CCDC91: variants seen among roughly 807,000 people sequenced by gnomAD.
The protein encoded by CCDC91 is coiled-coil domain containing 91.
A neutral mutation model predicts 63.2 loss-of-function variants in CCDC91; 48 were observed. The observed-to-expected ratio is 0.76, with a 90% CI of 0.60 to 0.97. CCDC91 has a LOEUF of 0.97. CCDC91 is among the 50% of genes least tolerant of loss of function. The pLI is 0.00. For synonymous variants in CCDC91, 167 were observed against 165.8 expected (o/e 1.01, Z -0.06); for missense variants, 500 against 494.6 (o/e 1.01, Z -0.10).
At chr12:28,516,296 T>C (rs917507539) in intron 12 of CCDC91, among the ~76,000 whole-genome samples, 12 of 151,930 alleles carry the variant, frequency 7.9e-5, no homozygotes, top group African/African-American at 2.7e-4. Flanking sequence ...ACTGAGTAAT[T>C]TGTAATGAAC....
chr12:28,435,429 T>C (rs1213785703), intron 8 of CCDC91, among the ~76,000 whole-genome samples: 1 of 151,816 alleles, frequency 6.6e-6, no homozygotes, highest in Non-Finnish European at 1.5e-5. Context: ...CCTACATCTA[T>C]AACTATCCTA....
At chr12:28,193,975 T>G (rs1434786558) in intron 1 of CCDC91, among the ~76,000 whole-genome samples, 2 of 152,238 alleles carry the variant, frequency 1.3e-5, no homozygotes, top group Non-Finnish European at 2.9e-5. Flanking sequence ...AGCATTTCCT[T>G]CGAGTCTGAG....
chr12:28,525,699 A>AT (rs1941197235), intron 12 of CCDC91, among the ~76,000 whole-genome samples: 1 of 151,884 alleles, frequency 6.6e-6, no homozygotes, highest in African/African-American at 2.4e-5. Context: ...TCAGTGTAGT[A>AT]TTTAAGTCCC....
chr12:28,207,170 A>G lies in CCDC91; in HGVS notation c.-15+16529A>G, dbSNP rs116446931. Reference sequence around the variant, plus strand: ...TAAGCAAGGAAGAAAATATTCAAAGATAAGAGTCTAATGATAGTAGAGAAA... The same window carrying G: ...TAAGCAAGGAAGAAAATATTCAAAGGTAAGAGTCTAATGATAGTAGAGAAA... On this transcript the variant is annotated intron_variant, in intron 1 of 12. Transcript: ENST00000536442. Among the ~76,000 whole-genome samples, 1,106 of 152,358 alleles carry G rather than the reference A, an allele frequency of 7.3e-3. 18 individuals carry two copies. The highest frequency in any genetic ancestry group is 0.025 in the African/African-American group (1,058 of 41,584).
At chr12:28,210,675 A>G (rs1252340424) in intron 1 of CCDC91, among the ~76,000 whole-genome samples, 2 of 152,228 alleles carry the variant, frequency 1.3e-5, no homozygotes, top group African/African-American at 4.8e-5. Context: ...TAAATTTTTT[A>G]TTACCTGACT....
intron 12 of CCDC91, among the ~76,000 whole-genome samples, chr12:28,523,896 A>G (rs1372366205): frequency 1.3e-5 from 2 of 152,170 alleles, no homozygotes; most frequent in Admixed American, 6.6e-5. Context: ...AACGTTGAAT[A>G]TTAGCCCCCA....
chr12:28,201,491 G>C lies in CCDC91; in HGVS notation c.-15+10850G>C, dbSNP rs35274465. On this transcript the variant is annotated intron_variant, in intron 1 of 12. Coordinates refer to ENST00000536442, the MANE Select transcript of CCDC91 (RefSeq NM_018318.5). The stretch of plus-strand genomic sequence containing the variant: ...GGATGGCGACTGGGAAGAGGCGCTC[G>C]TCACTTCCTAGATGGGATGGCGGCC... Among the ~76,000 whole-genome samples, 17 of 124,206 alleles carry C rather than the reference G, an allele frequency of 1.4e-4. 3 individuals are homozygous for C. The highest frequency in any genetic ancestry group is 2.3e-4 in the Non-Finnish European group (13 of 56,548). The allele number at this position is 124,206 out of a possible 152,430, so 81.5% of individuals were successfully genotyped here. A position where few individuals can be genotyped will look rare whatever the true frequency, so the allele number is the denominator to read the frequency against.
chr12:28,211,401 A>T (rs1211336372), intron 1 of CCDC91, among the ~76,000 whole-genome samples: 1 of 152,132 alleles, frequency 6.6e-6, no homozygotes, highest in Non-Finnish European at 1.5e-5. Flanking sequence ...GTGACAAAAC[A>T]TAGACATTAG....
chr12:28,375,020 T>C (rs1592474414), intron 7 of CCDC91, among the ~76,000 whole-genome samples: 2 of 152,220 alleles, frequency 1.3e-5, no homozygotes, highest in African/African-American at 2.4e-5. Flanking sequence ...ACTTTGAGAC[T>C]GCTAAGTACT....
rs1365741618 is a variant in CCDC91 at position 28,538,749 on chromosome 12, C to T, written c.1216-10314C>T. Reference sequence around the variant, plus strand: ...CAGTGTAAAAGTATTCCTATTTCTCCACATCCTCTCCAGCACCTCTTGTTT... The same window carrying T: ...CAGTGTAAAAGTATTCCTATTTCTCTACATCCTCTCCAGCACCTCTTGTTT... On this transcript the variant is annotated intron_variant, in intron 12 of 12. Transcript: ENST00000536442. Among the ~76,000 whole-genome samples, 9 of 152,166 alleles carry T rather than the reference C, an allele frequency of 5.9e-5. No individual in the cohort carries two copies. The East Asian group carries it at 1.2e-3, about 20-fold the overall frequency.
At chr12:28,503,772 C>T (rs1938304635) in intron 12 of CCDC91, among the ~76,000 whole-genome samples, 1 of 152,144 alleles carries the variant, frequency 6.6e-6, no homozygotes, top group Non-Finnish European at 1.5e-5. Context: ...ATGATGAGTT[C>T]ATGTCCTTTG....
At chr12:28,534,541 C>T (rs1468058649) in intron 12 of CCDC91, among the ~76,000 whole-genome samples, 1 of 152,094 alleles carries the variant, frequency 6.6e-6, no homozygotes, top group Non-Finnish European at 1.5e-5. Context: ...CAACCAAATC[C>T]AGCACTTATG....
intron 3 of CCDC91, among the ~76,000 whole-genome samples, chr12:28,297,795 C>T (rs796390274): frequency 4.0e-5 from 6 of 151,804 alleles, no homozygotes; most frequent in African/African-American, 1.4e-4. Context: ...AAAAATTGCA[C>T]CTTGACTAAG....
chr12:28,504,945 C>T (rs980887577), intron 12 of CCDC91, among the ~76,000 whole-genome samples: 8 of 151,938 alleles, frequency 5.3e-5, no homozygotes, highest in African/African-American at 1.7e-4. Context: ...AGTAGTGGCA[C>T]TTACAGAAAA....
At chr12:28,388,149 CAT>C (rs571580593) in intron 7 of CCDC91, among the ~76,000 whole-genome samples, 2 of 152,024 alleles carry the variant, frequency 1.3e-5, no homozygotes, top group African/African-American at 4.8e-5. Flanking sequence ...ACATTTTTTT[CAT>C]ATGTTTGTTG....
At chr12:28,534,591 C>T (rs1429582400) in intron 12 of CCDC91, among the ~76,000 whole-genome samples, 2 of 152,136 alleles carry the variant, frequency 1.3e-5, no homozygotes, top group East Asian at 3.8e-4. Flanking sequence ...AGAAACTCTT[C>T]CTGATACTCC....
intron 11 of CCDC91, among the ~76,000 whole-genome samples, chr12:28,474,174 A>G (rs550638783): frequency 3.0e-4 from 45 of 152,264 alleles, no homozygotes; most frequent in South Asian, 1.7e-3. Flanking sequence ...CATCTAATCC[A>G]TTATCAAAAT....
chr12:28,479,900 T>A (rs1951351192), intron 11 of CCDC91, among the ~76,000 whole-genome samples: 1 of 152,040 alleles, frequency 6.6e-6, no homozygotes, highest in African/African-American at 2.4e-5. Flanking sequence ...AGGATGACTA[T>A]GTATGAGATT....
intron 6 of CCDC91, among the ~76,000 whole-genome samples, chr12:28,309,096 T>C (rs1939046995): frequency 6.6e-6 from 1 of 152,012 alleles, no homozygotes; most frequent in South Asian, 2.1e-4. Flanking sequence ...GTATGGTCCA[T>C]GATTCACTCA....
Sources: allele counts gnomAD v4.1 joint callset (sites outside exome capture counted in the v4.1 genomes callset), GRCh38; gene constraint gnomAD v4.1.1; transcripts MANE v1.5; gene names NCBI Gene and HGNC (gene_info 2026-07-23, HGNC 2026-07-21).